The following SRPK2 variants were observed in gnomAD, a reference collection of about 807,000 sequenced individuals.
The protein encoded by SRPK2 is SRSF protein kinase 2, also known as SFRS protein kinase 2.
In SRPK2, 21 loss-of-function variants were observed where a neutral mutation model predicts 90.8. The observed-to-expected ratio is 0.23, with a 90% confidence interval of 0.16 to 0.33. The LOEUF is 0.33. Among genes scored for constraint, SRPK2 ranks in the 10% least tolerant of loss-of-function variants. The probability of loss-of-function intolerance (pLI) is 1.00; values close to 1 mark genes in which losing one functional copy is unlikely to be tolerated. For synonymous variants in SRPK2, 288 were observed against 311.1 expected (o/e 0.93, Z 0.78); for missense variants, 620 against 869.0 (o/e 0.71, Z 3.60).
chr7:105,177,084 C>T (rs1351703631), intron 3 of SRPK2, among the ~76,000 whole-genome samples: 2 of 151,854 alleles, frequency 1.3e-5, no homozygotes, highest in African/African-American at 2.4e-5. Context: ...CTAATATTAA[C>T]CACTTCCAAA....
At chr7:105,264,221 C>T (rs1392606879) in intron 2 of SRPK2, among the ~76,000 whole-genome samples, 1 of 152,198 alleles carries the variant, frequency 6.6e-6, no homozygotes, top group Non-Finnish European at 1.5e-5. Context: ...ACCTTCCTCA[C>T]TTTTGAATTT....
chr7:105,268,729 A>T (rs1805428990), intron 2 of SRPK2: 5 of 1,507,358 alleles, frequency 3.3e-6, no homozygotes, highest in South Asian at 2.5e-5. Flanking sequence ...AAACTTGACA[A>T]GAAAAAAAAA....
In SRPK2 at chr7:105,192,050, CTTT is replaced by C. The variant is rs34465290; in HGVS notation, c.229+11575_229+11577del. On this transcript the variant is annotated intron_variant, in intron 3 of 15. Transcript: ENST00000393651. ...TTTAAAAGCTCCACTTCTGCTTCTG[CTTT>C]TTTTTTTTTTTTTAATTTCCATAAG... Among the ~76,000 whole-genome samples, 1,103 of 143,680 alleles carry C rather than the reference CTTT, an allele frequency of 7.7e-3. 14 individuals are homozygous for C. The highest frequency in any genetic ancestry group is 0.075 in the East Asian group (365 of 4,862). 94.3% of individuals were successfully genotyped at this position (143,680 alleles called of 152,430 possible).
Position 105,124,936 on chromosome 7 carries a change from A to G in SRPK2, c.1915+1312T>C, listed in dbSNP as rs144800389. Among the ~76,000 whole-genome samples, 624 of 152,040 alleles carry G rather than the reference A, an allele frequency of 4.1e-3. 21 individuals are homozygous for G. In the East Asian group the frequency reaches 0.075, roughly 18 times the overall value. On this transcript the variant is annotated intron_variant, in intron 15 of 15. Coordinates refer to ENST00000393651, the MANE Select transcript of SRPK2 (RefSeq NM_182692.3). Reference sequence around the variant, plus strand: ...CACTTGAGGTCAGGAGTTTGAGACCAGCCTGGCCAACACAGTGAAACCCTG... The same window carrying G: ...CACTTGAGGTCAGGAGTTTGAGACCGGCCTGGCCAACACAGTGAAACCCTG...
intron 2 of SRPK2, among the ~76,000 whole-genome samples, chr7:105,229,807 G>A (rs1799201693): frequency 6.6e-6 from 1 of 151,764 alleles, no homozygotes; most frequent in Non-Finnish European, 1.5e-5. Context: ...GAGGCAGTGG[G>A]TGGGGGGGAA....
chr7:105,378,009 T>G (rs1055014618), intron 2 of SRPK2, among the ~76,000 whole-genome samples: 3 of 152,000 alleles, frequency 2.0e-5, no homozygotes, highest in African/African-American at 7.2e-5. Flanking sequence ...AAAACCTGAG[T>G]GTGTACCCCT....
chr7:105,288,987 A>G (rs1236852115), intron 2 of SRPK2, among the ~76,000 whole-genome samples: 1 of 151,338 alleles, frequency 6.6e-6, no homozygotes, highest in Non-Finnish European at 1.5e-5. Flanking sequence ...CCAGGTGCGG[A>G]GGCTCACGCC....
intron 2 of SRPK2, among the ~76,000 whole-genome samples, chr7:105,384,585 T>C (rs1038630276): frequency 1.3e-5 from 2 of 152,290 alleles, no homozygotes; most frequent in African/African-American, 2.4e-5. Flanking sequence ...TATTAATAGT[T>C]TAAAATTATA....
At chr7:105,151,041 G>A (rs998133622) in intron 7 of SRPK2, among the ~76,000 whole-genome samples, 2 of 152,090 alleles carry the variant, frequency 1.3e-5, no homozygotes, top group Non-Finnish European at 2.9e-5. Flanking sequence ...CAATGACAAT[G>A]ATGCACCTCA....
At chr7:105,170,967 G>GAAAGAAA (rs66735717) in intron 3 of SRPK2, among the ~76,000 whole-genome samples, 2 of 74,462 alleles carry the variant, frequency 2.7e-5, no homozygotes, top group Non-Finnish European at 5.3e-5. Context: ...AAGAAAGAAA[G>GAAAGAAA]AGAAAGAAAG....
chr7:105,183,965 C>T (rs1793232202), intron 3 of SRPK2, among the ~76,000 whole-genome samples: 1 of 143,912 alleles, frequency 6.9e-6, no homozygotes, highest in African/African-American at 2.6e-5. Context: ...TTAACGTACA[C>T]TATTACCAAT....
chr7:105,192,483 T>C (rs1264992360), intron 3 of SRPK2, among the ~76,000 whole-genome samples: 1 of 152,228 alleles, frequency 6.6e-6, no homozygotes, highest in Admixed American at 6.5e-5. Flanking sequence ...ATTTTTGCAA[T>C]TGTGAATTGT....
At chr7:105,268,392 G>GT (rs567269846) in intron 2 of SRPK2, among the ~76,000 whole-genome samples, 15 of 152,250 alleles carry the variant, frequency 9.9e-5, no homozygotes, top group Non-Finnish European at 1.9e-4. Flanking sequence ...CCAAAATCAA[G>GT]TATTTTTAAC....
At chr7:105,309,113 G>A (rs1003443520) in intron 2 of SRPK2, among the ~76,000 whole-genome samples, 5 of 151,814 alleles carry the variant, frequency 3.3e-5, no homozygotes, top group African/African-American at 1.2e-4. Context: ...ACACTCACAA[G>A]AATACTATTT....
Position 105,142,433 on chromosome 7 carries a change from T to C in SRPK2, c.1118A>G (p.Asp373Gly), listed in dbSNP as rs150320396. The part of the protein sequence containing the change: ...EDAEKENIEK[D>G]EDDVDQELAN... ...AAGTTCCTGATCTACATCATCTTCA[T>C]CTTTTTCAATGTTTTCTTTCTCAGC... Residue 373 changes from aspartate to glycine, a missense_variant, in exon 11 of 16, where the codon GAT (aspartate) becomes GGT (glycine). By Grantham distance (94) the Asp-to-Gly change is moderately conservative (BLOSUM62 -1). Around this residue, in one of 8 missense-constraint regions of SRPK2, gnomAD observed 243 missense variants for 245.7 expected, o/e 0.99. Transcript: ENST00000393651. 5.0e-6 allele frequency: 8 copies of C among 1,613,410 alleles called. No homozygotes were observed. In the African/African-American group the frequency reaches 8.0e-5, roughly 16 times the overall value.
rs1376279184 is a variant in SRPK2, at chr7:105,385,714, ACTCTGGTCCCGGG to A, written c.71+2921_71+2933del. The stretch of plus-strand genomic sequence containing the variant: ...CCAAATGCCATTTCTCAGAGAGTGG[ACTCTGGTCCCGGG>A]CTGCCTTGATTCAACAGCTGGGCAT... On this transcript the variant is annotated intron_variant, in intron 2 of 15. Transcript: ENST00000393651. Among the ~76,000 whole-genome samples, 15 of 151,972 alleles carry A rather than the reference ACTCTGGTCCCGGG, an allele frequency of 9.9e-5. No individual in the cohort carries two copies. The East Asian group carries it at 1.2e-3, about 12-fold the overall frequency.
chr7:105,382,606 C>G (rs1006918081), intron 2 of SRPK2, among the ~76,000 whole-genome samples: 1 of 129,486 alleles, frequency 7.7e-6, no homozygotes, highest in African/African-American at 2.8e-5. Flanking sequence ...CAGGCAACAA[C>G]ATGGATGAAT....
chr7:105,159,430 A>C lies in SRPK2; in HGVS notation c.621+1077T>G, dbSNP rs191173449. Among the ~76,000 whole-genome samples the C allele has an allele frequency of 8.0e-3, 1,017 of 127,356 alleles. 18 individuals are homozygous for C. Among genetic ancestry groups the C allele is most frequent in the African/African-American group, 0.027 (963 of 35,344 alleles). 83.6% of individuals were successfully genotyped at this position (127,356 alleles called of 152,430 possible). On this transcript the variant is annotated intron_variant, in intron 7 of 15. Coordinates refer to ENST00000393651, the MANE Select transcript of SRPK2 (RefSeq NM_182692.3). ...ACCACTTCACTCCAGCCTGGGTGAC[A>C]GAGCGAGACTCCGTCTCCAAAAAAA...
intron 2 of SRPK2, among the ~76,000 whole-genome samples, chr7:105,242,349 T>C (rs749825087): frequency 2.0e-5 from 3 of 151,962 alleles, no homozygotes; most frequent in Non-Finnish European, 2.9e-5. Flanking sequence ...CCATCTCTAC[T>C]AAAAATTCAA....
Sources: allele counts gnomAD v4.1 joint callset (sites outside exome capture counted in the v4.1 genomes callset), GRCh38; gene constraint gnomAD v4.1.1; regional missense constraint gnomAD v4.1.1; transcripts MANE v1.5; gene names NCBI Gene and HGNC (gene_info 2026-07-23, HGNC 2026-07-21).